Variants in GSK3B observed in about 807,000 individuals in gnomAD.
GSK3B encodes glycogen synthase kinase-3 beta.
GSK3B carries 15 observed loss-of-function variants against 56.4 expected under a neutral mutation model. The observed-to-expected ratio is 0.27, with a 90% CI of 0.18 to 0.41. GSK3B has a LOEUF of 0.41. Among genes scored for constraint, GSK3B ranks in the 10% least tolerant of loss-of-function variants. The pLI, the probability that GSK3B is intolerant of heterozygous loss-of-function variation, is 1.00. For synonymous variants in GSK3B, 181 were observed against 188.9 expected (o/e 0.96, Z 0.34); for missense variants, 300 against 513.4 (o/e 0.58, Z 4.02).
In GSK3B at chr3:119,824,378, A is replaced by G; in HGVS notation, c.*2410T>C. 1 of 222,748 alleles carries G rather than the reference A, an allele frequency of 4.5e-6. No individual in the cohort carries two copies. The highest frequency in any genetic ancestry group is 9.0e-6 in the Non-Finnish European group (1 of 111,316). 13.8% of individuals were successfully genotyped at this position (222,748 alleles called of 1,614,324 possible). A position where few individuals can be genotyped will look rare whatever the true frequency, so the allele number is the denominator to read the frequency against. Reference sequence around the variant, plus strand: ...GCACACATGCACACACAATGAAATGAGAGAAAAGCGTGACTTTTCTCTCTT... The same window carrying G: ...GCACACATGCACACACAATGAAATGGGAGAAAAGCGTGACTTTTCTCTCTT... On this transcript the variant is annotated 3_prime_UTR_variant, in exon 11 of 11. Coordinates refer to ENST00000264235, the MANE Select transcript of GSK3B (RefSeq NM_001146156.2).
At chr3:119,858,347 T>C (rs2056050126) in intron 9 of GSK3B, among the ~76,000 whole-genome samples, 1 of 152,246 alleles carries the variant, frequency 6.6e-6, no homozygotes, top group Non-Finnish European at 1.5e-5. Flanking sequence ...TGTTCACCAA[T>C]GATCTTAGCT....
intron 1 of GSK3B, among the ~76,000 whole-genome samples, chr3:120,013,529 T>C (rs946472147): frequency 6.6e-6 from 1 of 152,190 alleles, no homozygotes; most frequent in African/African-American, 2.4e-5. Context: ...TGACTGCCTC[T>C]ATAAAAATTT....
intron 1 of GSK3B, among the ~76,000 whole-genome samples, chr3:120,070,889 C>T (rs1189010167): frequency 6.6e-6 from 1 of 152,174 alleles, no homozygotes; most frequent in East Asian, 1.9e-4. Flanking sequence ...ATTCCGAGTT[C>T]TGCCTCATTA....
intron 1 of GSK3B, among the ~76,000 whole-genome samples, chr3:120,035,847 T>A (rs2058018351): frequency 6.6e-6 from 1 of 152,242 alleles, no homozygotes; most frequent in African/African-American, 2.4e-5. Flanking sequence ...AGTTCAACTT[T>A]GCTGAACTCA....
chr3:120,060,778 A>G (rs747640322), intron 1 of GSK3B, among the ~76,000 whole-genome samples: 1 of 152,206 alleles, frequency 6.6e-6, no homozygotes, highest in Non-Finnish European at 1.5e-5. Context: ...ATGATTTGAA[A>G]GAAATCAATT....
intron 10 of GSK3B, among the ~76,000 whole-genome samples, chr3:119,828,990 G>T (rs1401836854): frequency 6.6e-6 from 1 of 152,194 alleles, no homozygotes; most frequent in Non-Finnish European, 1.5e-5. Context: ...CAAATGAACA[G>T]GTGGCAGGAA....
chr3:119,874,691 AT>A (rs2056289697), intron 8 of GSK3B, among the ~76,000 whole-genome samples: 1 of 111,158 alleles, frequency 9.0e-6, no homozygotes, highest in Non-Finnish European at 2.4e-5. Flanking sequence ...CCTCATAAAA[AT>A]AACATTATTA....
intron 1 of GSK3B, among the ~76,000 whole-genome samples, chr3:120,015,113 G>A (rs1024528279): frequency 1.1e-4 from 17 of 152,162 alleles, no homozygotes; most frequent in African/African-American, 4.1e-4. Flanking sequence ...CTGCTACTTA[G>A]GGTTGTGACA....
chr3:119,984,332 CA>C (rs1165933350), intron 2 of GSK3B, among the ~76,000 whole-genome samples: 1 of 148,024 alleles, frequency 6.8e-6, no homozygotes, highest in Non-Finnish European at 1.5e-5. Context: ...CAAAAGCTAG[CA>C]AAAGGCAAGA....
In GSK3B at chr3:120,052,467, T is replaced by C. The variant is rs548521308; in HGVS notation, c.88+40880A>G. ...CTCACCAGGTTATGTTAATTTCCTG[T>C]CCTAAAATAGCTAGTCCACAGTAAC... On this transcript the variant is annotated intron_variant, in intron 1 of 10. Coordinates refer to ENST00000264235, the MANE Select transcript of GSK3B (RefSeq NM_001146156.2). 3.9e-5 allele frequency among the ~76,000 whole-genome samples: 6 copies of C among 152,290 alleles called. No homozygotes were observed. In the East Asian group the frequency reaches 7.7e-4, roughly 20 times the overall value.
At chr3:119,862,606 A>G (rs2056121472) in intron 9 of GSK3B, among the ~76,000 whole-genome samples, 1 of 149,010 alleles carries the variant, frequency 6.7e-6, no homozygotes, top group Non-Finnish European at 1.5e-5. Flanking sequence ...AAAACTCTAC[A>G]TCTCCCTTTT....
At chr3:120,053,563 C>T (rs1252606692) in intron 1 of GSK3B, among the ~76,000 whole-genome samples, 1 of 152,166 alleles carries the variant, frequency 6.6e-6, no homozygotes, top group Non-Finnish European at 1.5e-5. Flanking sequence ...AACACATGTG[C>T]ACCCACAAGG....
At chr3:119,878,245 T>C (rs2056337545) in intron 7 of GSK3B, among the ~76,000 whole-genome samples, 1 of 152,266 alleles carries the variant, frequency 6.6e-6, no homozygotes, top group Non-Finnish European at 1.5e-5. Flanking sequence ...GGCTTGTATT[T>C]ACAATATATA....
intron 8 of GSK3B, among the ~76,000 whole-genome samples, chr3:119,870,844 T>C (rs1411852602): frequency 6.6e-6 from 1 of 152,132 alleles, no homozygotes; most frequent in African/African-American, 2.4e-5. Flanking sequence ...AACAGACAAG[T>C]GGCAAGCTTA....
chr3:119,970,382 C>G (rs1329870269), intron 2 of GSK3B, among the ~76,000 whole-genome samples: 3 of 152,004 alleles, frequency 2.0e-5, no homozygotes, highest in African/African-American at 7.2e-5. Context: ...CAAATTAAAA[C>G]TACAATGAAA....
intron 1 of GSK3B, among the ~76,000 whole-genome samples, chr3:120,080,128 A>G (rs2058405753): frequency 6.6e-6 from 1 of 151,992 alleles, no homozygotes; most frequent in South Asian, 2.1e-4. Context: ...TCGTCTCTAC[A>G]AAAAATACAA....
At chr3:120,033,987 A>G (rs1326790702) in intron 1 of GSK3B, among the ~76,000 whole-genome samples, 3 of 152,186 alleles carry the variant, frequency 2.0e-5, no homozygotes, top group Admixed American at 1.3e-4. Context: ...ATAGACTAAT[A>G]CATGCACTTA....
chr3:119,885,350 C>T (rs187481763), intron 7 of GSK3B, among the ~76,000 whole-genome samples: 4 of 152,146 alleles, frequency 2.6e-5, no homozygotes, highest in Admixed American at 6.6e-5. Context: ...AACTACAAAA[C>T]ACTGCTAAGA....
rs979365407 is a variant in GSK3B, at chr3:120,032,012, T to C, written c.89-29773A>G. Among the ~76,000 whole-genome samples the C allele has an allele frequency of 3.3e-5, 5 of 152,340 alleles. No homozygotes were observed. The South Asian group carries it at 8.3e-4, about 25-fold the overall frequency. ...TTGTCCTAGTCACTACATGAGCTAT[T>C]GAACACCTGAAAGTGGCAAAGTTTG... is the stretch of plus-strand genomic sequence containing the variant. On this transcript the variant is annotated intron_variant, in intron 1 of 10. Coordinates refer to ENST00000264235, the MANE Select transcript of GSK3B (RefSeq NM_001146156.2).
Sources: gnomAD v4.1 joint callset for allele counts (sites outside exome capture counted in the v4.1 genomes callset) on GRCh38, gnomAD v4.1.1 for gene constraint, MANE v1.5 for transcripts, NCBI Gene and HGNC (gene_info 2026-07-23, HGNC 2026-07-21) for gene names.